The following DPF3 variants were observed in gnomAD, a reference collection of about 807,000 sequenced individuals.
DPF3 encodes the protein zinc finger protein DPF3.
In DPF3, 18 loss-of-function variants were observed where a neutral mutation model predicts 56.8. The ratio of observed to expected loss-of-function variants is 0.32; its 90% CI spans 0.22 to 0.47. The LOEUF is 0.47. DPF3 is among the 20% of genes least tolerant of loss of function. DPF3 has a pLI of 1.00. For missense variants in DPF3, 403 were observed against 488.8 expected, an observed-to-expected ratio of 0.82 and a Z score of 1.65; for synonymous variants, 188 against 180.2, an observed-to-expected ratio of 1.04 and a Z score of -0.35.
chr14:72,648,871 C>A (rs1885810180), intron 8 of DPF3, among the ~76,000 whole-genome samples: 1 of 152,114 alleles, frequency 6.6e-6, no homozygotes, highest in South Asian at 2.1e-4. Context: ...GACCAAGCAT[C>A]CCCCTCTGTT....
chr14:72,676,507 G>A (rs1886914607), intron 7 of DPF3, among the ~76,000 whole-genome samples: 1 of 152,206 alleles, frequency 6.6e-6, no homozygotes, highest in Non-Finnish European at 1.5e-5. Context: ...TTCTTGATAT[G>A]GTTTGGCTGT....
intron 6 of DPF3, among the ~76,000 whole-genome samples, chr14:72,695,923 A>G (rs1421872105): frequency 6.6e-6 from 1 of 152,198 alleles, no homozygotes; most frequent in African/African-American, 2.4e-5. Context: ...TTGTAAAAAA[A>G]ATAAAATTAA....
At chr14:72,720,344 TA>T (rs67523088) in intron 5 of DPF3, among the ~76,000 whole-genome samples, 45,855 of 151,838 alleles carry the variant, frequency 0.3, 7,328 homozygotes, top group East Asian at 0.46. Flanking sequence ...ATAATAATTA[TA>T]AAAAATAAAG....
rs370963123 is a variant in DPF3, at chr14:72,803,023, T to A, written c.33-31130A>T. ...CTCCACCTACCCGCCCCTTGTCACA[T>A]TGACAGATAAAATACAGGACTCCCA... On this transcript the variant is annotated intron_variant, in intron 1 of 10. Coordinates refer to ENST00000556509, the MANE Select transcript of DPF3 (RefSeq NM_001280542.3). Among the ~76,000 whole-genome samples, 16 of 152,340 alleles carry A rather than the reference T, an allele frequency of 1.1e-4. No homozygotes were observed. The East Asian group carries it at 2.9e-3, about 28-fold the overall frequency.
chr14:72,787,511 T>C (rs1316655790), intron 1 of DPF3, among the ~76,000 whole-genome samples: 1 of 152,196 alleles, frequency 6.6e-6, no homozygotes, highest in Non-Finnish European at 1.5e-5. Context: ...CTCCAGTCTC[T>C]AATCACACTA....
intron 2 of DPF3, among the ~76,000 whole-genome samples, chr14:72,765,530 A>T (rs1891244725): frequency 6.6e-6 from 1 of 152,272 alleles, no homozygotes; most frequent in African/African-American, 2.4e-5. Context: ...AGGTGAATGG[A>T]TAAATTAACT....
rs570734730 is a variant in DPF3 at position 72,645,868 on chromosome 14, C to T, written c.872-16132G>A. The stretch of plus-strand genomic sequence containing the variant: ...ACAAAGGTCTCTCACTATCTCTCAA[C>T]TCCCATTCATGGCCAAACCTGTCAA... On this transcript the variant is annotated intron_variant, in intron 8 of 10. Coordinates refer to ENST00000556509, the MANE Select transcript of DPF3 (RefSeq NM_001280542.3). 6.2e-4 allele frequency among the ~76,000 whole-genome samples: 90 copies of T among 146,166 alleles called. 1 individual carries two copies. Among genetic ancestry groups the T allele is most frequent in the African/African-American group, 2.3e-3 (88 of 38,792 alleles).
At position 72,693,243 on chromosome 14, in the gene DPF3, G is replaced by C. The variant is rs544444084; in HGVS notation, c.605-30C>G. ...AGAGGAAAAGAGGAAAAAAGGGAGA[G>C]ATACAAATATTAGCAACCTGTGCAG... On this transcript the variant is annotated intron_variant, in intron 6 of 10. Transcript: ENST00000556509. The C allele has an allele frequency of 1.7e-5, 27 of 1,611,548 alleles. No homozygotes were observed. In the African/African-American group the frequency reaches 2.3e-4, roughly 14 times the overall value.
intron 8 of DPF3, among the ~76,000 whole-genome samples, chr14:72,648,601 G>A (rs1040685456): frequency 1.0e-4 from 15 of 148,252 alleles, no homozygotes; most frequent in African/African-American, 2.5e-4. Context: ...TAAAACGATC[G>A]CATCTTCTCC....
chr14:72,794,647 G>A (rs899482784), intron 1 of DPF3, among the ~76,000 whole-genome samples: 6 of 152,184 alleles, frequency 3.9e-5, no homozygotes, highest in African/African-American at 1.2e-4. Flanking sequence ...TAGCAGGTTG[G>A]AACTTTGGGA....
At chr14:72,637,495 T>C (rs914341370) in intron 8 of DPF3, among the ~76,000 whole-genome samples, 9 of 152,218 alleles carry the variant, frequency 5.9e-5, no homozygotes, top group Admixed American at 2.0e-4. Flanking sequence ...TATATAAATA[T>C]GGCAGGCACT....
intron 1 of DPF3, among the ~76,000 whole-genome samples, chr14:72,821,544 T>C (rs117373442): frequency 0.01 from 1,572 of 152,332 alleles, 13 homozygotes; most frequent in Non-Finnish European, 0.018. Context: ...ATATTGTCCA[T>C]GGTACAAACT....
chr14:72,701,500 ACGCCCCCTGCC>A (rs1888158421), intron 6 of DPF3, among the ~76,000 whole-genome samples: 2 of 152,118 alleles, frequency 1.3e-5, no homozygotes. Context: ...TATTTACTGC[ACGCCCCCTGCC>A]CTCCTTCAAA....
intron 8 of DPF3, among the ~76,000 whole-genome samples, chr14:72,669,203 G>A (rs1244010695): frequency 6.6e-6 from 1 of 152,198 alleles, no homozygotes; most frequent in Non-Finnish European, 1.5e-5. Flanking sequence ...TTGTGTTTTA[G>A]GTTGGTTTGT....
intron 1 of DPF3, among the ~76,000 whole-genome samples, chr14:72,812,856 G>C (rs539162003): frequency 1.3e-5 from 2 of 152,320 alleles, no homozygotes; most frequent in South Asian, 4.1e-4. Flanking sequence ...CAAACGCCCA[G>C]AGGCTGGCGG....
intron 1 of DPF3, among the ~76,000 whole-genome samples, chr14:72,775,475 C>T (rs1891708998): frequency 6.6e-6 from 1 of 152,174 alleles, no homozygotes. Context: ...CCAACTGGAT[C>T]GAGAATGTCA....
At chr14:72,805,680 T>C (rs947670400) in intron 1 of DPF3, among the ~76,000 whole-genome samples, 2 of 152,110 alleles carry the variant, frequency 1.3e-5, no homozygotes, top group Non-Finnish European at 1.5e-5. Flanking sequence ...ATCCCGTCTC[T>C]ACTAAAAATA....
chr14:72,772,495 A>T (rs1181538258), intron 1 of DPF3, among the ~76,000 whole-genome samples: 5 of 152,234 alleles, frequency 3.3e-5, no homozygotes, highest in African/African-American at 1.2e-4. Flanking sequence ...AAACCATATT[A>T]CTTAAAGAAA....
intron 7 of DPF3, among the ~76,000 whole-genome samples, chr14:72,687,599 AAGACTTCCAAT>A (rs1347172755): frequency 1.3e-5 from 2 of 152,120 alleles, no homozygotes; most frequent in East Asian, 3.9e-4. Flanking sequence ...ATCAGACCCA[AAGACTTCCAAT>A]TGTCTGAATG....
Sources: allele counts gnomAD v4.1 joint callset (sites outside exome capture counted in the v4.1 genomes callset), GRCh38; gene constraint gnomAD v4.1.1; transcripts MANE v1.5; gene names NCBI Gene and HGNC (gene_info 2026-07-23, HGNC 2026-07-21).